Variants in CDC27 observed in about 807,000 individuals in gnomAD.
The protein encoded by CDC27 is cell division cycle 27, also known as cell division cycle protein 27 homolog.
A neutral mutation model predicts 109.7 loss-of-function variants in CDC27; 27 were observed. The observed-to-expected ratio is 0.25, with a 90% CI of 0.18 to 0.34. CDC27 has a LOEUF of 0.34. Among genes scored for constraint, CDC27 ranks in the 10% least tolerant of loss-of-function variants. CDC27 has a pLI of 1.00. For synonymous variants in CDC27, 266 were observed against 333.9 expected, an observed-to-expected ratio of 0.80 and a Z score of 2.22; for missense variants, 579 against 960.2, an observed-to-expected ratio of 0.60 and a Z score of 5.25.
At chr17:47,136,367 G>A (rs572372528) in intron 14 of CDC27, among the ~76,000 whole-genome samples, 38 of 152,182 alleles carry the variant, frequency 2.5e-4, no homozygotes, top group Non-Finnish European at 4.7e-4. Flanking sequence ...GTAATATAAT[G>A]CTTCAGATTT....
rs1296529846 is a variant in CDC27, at chr17:47,172,008, C to T, written c.160G>A (p.Ala54Thr). Reference protein sequence around the residue: ...LATCYYRSGKAYKAYRLLKGH... With the variant: ...LATCYYRSGKTYKAYRLLKGH... ...TTCAAGAGTCTATATGCTTTATATG[C>T]CTTTCCTGAGCGGTAATAACAGGTT... The change falls in exon 3 of 19, where the codon GCA becomes ACA. Residue 54 changes from alanine to threonine, a missense_variant. By Grantham distance (58) the Ala-to-Thr change is moderately conservative. This residue lies in a region of CDC27 where 44 missense variants were observed against 102.2 expected (regional missense o/e 0.43). Transcript: ENST00000066544. The T allele has an allele frequency of 6.3e-7, 1 of 1,599,998 alleles. No homozygotes were observed. The highest frequency in any genetic ancestry group is 8.5e-7 in the Non-Finnish European group (1 of 1,173,612).
chr17:47,152,499 T>G (rs975083389), intron 8 of CDC27, among the ~76,000 whole-genome samples: 1 of 152,186 alleles, frequency 6.6e-6, no homozygotes, highest in African/African-American at 2.4e-5. Context: ...TTCTGTTCCC[T>G]TGGAGAAAAA....
intron 16 of CDC27, among the ~76,000 whole-genome samples, chr17:47,128,428 CCTTAT>C (rs1368163087): frequency 1.3e-5 from 2 of 152,140 alleles, no homozygotes; most frequent in East Asian, 3.8e-4. Context: ...TTCTCAGTTT[CCTTAT>C]CTTCTTTTTT....
At chr17:47,122,835 G>A (rs1367289329) in intron 17 of CDC27, among the ~76,000 whole-genome samples, 1 of 151,876 alleles carries the variant, frequency 6.6e-6, no homozygotes, top group South Asian at 2.1e-4. Context: ...CACCACCCCT[G>A]GCTAATTTTT....
At position 47,181,788 on chromosome 17, in the gene CDC27, C is replaced by G. The variant is rs1401928018; in HGVS notation, c.28-151G>C. On this transcript the variant is annotated intron_variant, in intron 1 of 18. Transcript: ENST00000066544. ...CCACAGAGCAAACTCCAGAGTGTGCCGGGCAAGGCTCTTCACAGTATGGCT... is the reference window on the plus strand; with the variant it reads ...CCACAGAGCAAACTCCAGAGTGTGCGGGGCAAGGCTCTTCACAGTATGGCT... The G allele has an allele frequency of 8.3e-6, 4 of 480,726 alleles. No individual in the cohort carries two copies. In the East Asian group the frequency reaches 1.3e-4, roughly 15 times the overall value. 29.8% of individuals were successfully genotyped at this position (480,726 alleles called of 1,614,324 possible). A position where few individuals can be genotyped will look rare whatever the true frequency, so the allele number is the denominator to read the frequency against.
chr17:47,126,616 T>C (rs550504197), intron 16 of CDC27, among the ~76,000 whole-genome samples: 1 of 152,312 alleles, frequency 6.6e-6, no homozygotes, highest in South Asian at 2.1e-4. Flanking sequence ...CTGATTTATG[T>C]GGCCTATCTG....
At chr17:47,143,434 G>A (rs980351419) in intron 10 of CDC27, among the ~76,000 whole-genome samples, 7 of 152,106 alleles carry the variant, frequency 4.6e-5, no homozygotes, top group South Asian at 4.2e-4. Context: ...ATATAAACCC[G>A]TGTGTGTGTA....
chr17:47,149,293 A>G (rs1272199891), intron 9 of CDC27, among the ~76,000 whole-genome samples: 1 of 151,808 alleles, frequency 6.6e-6, no homozygotes, highest in South Asian at 2.1e-4. Context: ...CAGGAGGATC[A>G]CAAGGTCAAG....
At chr17:47,122,785 T>A (rs1265554394) in intron 17 of CDC27, among the ~76,000 whole-genome samples, 185 bp from the exon 18 acceptor site, 4 of 152,188 alleles carry the variant, frequency 2.6e-5, no homozygotes, top group Non-Finnish European at 5.9e-5. Context: ...GCGATTCTCC[T>A]GCTTCAGTCT....
chr17:47,118,276 T>C lies in CDC27; in HGVS notation c.*2659A>G, dbSNP rs2061916652. The C allele has an allele frequency of 6.6e-6, 1 of 152,368 alleles. No individual in the cohort carries two copies. The highest frequency in any genetic ancestry group is 1.9e-4 in the East Asian group (1 of 5,204). The allele number at this position is 152,368 out of a possible 1,614,324, so 9.4% of individuals were successfully genotyped here. ...TTTTGTTTAAGGTACAACAGCAGCATGGTTCAAATGTTACTTGTAGTTCTC... is the reference window on the plus strand; with the variant it reads ...TTTTGTTTAAGGTACAACAGCAGCACGGTTCAAATGTTACTTGTAGTTCTC... On this transcript the variant is annotated 3_prime_UTR_variant, in exon 19 of 19. Transcript: ENST00000066544.
chr17:47,162,605 G>A (rs2063529545), intron 4 of CDC27, among the ~76,000 whole-genome samples: 1 of 152,286 alleles, frequency 6.6e-6, no homozygotes, highest in African/African-American at 2.4e-5. Context: ...GGCCAGAAAG[G>A]AAGTAGACAA....
chr17:47,122,375 G>T, intron 18 of CDC27, 69 bp downstream of exon 18: 1 of 1,083,518 alleles, frequency 9.2e-7, no homozygotes, highest in Non-Finnish European at 1.3e-6. Flanking sequence ...TAAAATAAAA[G>T]AGTAGCCTAC....
At chr17:47,166,165 A>G (rs2063639088) in intron 4 of CDC27, among the ~76,000 whole-genome samples, 1 of 152,108 alleles carries the variant, frequency 6.6e-6, no homozygotes, top group Non-Finnish European at 1.5e-5. Flanking sequence ...TTAGAACAGT[A>G]TTTCATTTTG....
intron 15 of CDC27, among the ~76,000 whole-genome samples, chr17:47,131,840 T>TA (rs370661352): frequency 2.0e-4 from 23 of 113,528 alleles, no homozygotes; most frequent in African/African-American, 7.0e-4. Flanking sequence ...GGCTAATTTT[T>TA]AAATTTTTTT....
intron 14 of CDC27, among the ~76,000 whole-genome samples, chr17:47,136,361 T>C (rs751280585): frequency 6.6e-5 from 10 of 152,192 alleles, no homozygotes; most frequent in Non-Finnish European, 1.5e-4. Context: ...GTTTTAGTAA[T>C]ATAATGCTTC....
rs201672676 is a variant in CDC27 at position 47,135,407 on chromosome 17, AGATGAT to A, written c.1913+1739_1913+1744del. 1.4e-3 allele frequency among the ~76,000 whole-genome samples: 217 copies of A among 150,656 alleles called. 1 individual carries two copies. Among genetic ancestry groups the A allele is most frequent in the South Asian group, 3.2e-3 (15 of 4,746 alleles). ...ACGGAGACTTCTCATGGCCATAACTAGATGATGATGATGATGATGATGATGATGATG... is the reference window on the plus strand; with the variant it reads ...ACGGAGACTTCTCATGGCCATAACTAGATGATGATGATGATGATGATGATG... On this transcript the variant is annotated intron_variant, in intron 14 of 18. Coordinates refer to ENST00000066544, the MANE Select transcript of CDC27 (RefSeq NM_001256.6).
At chr17:47,123,647 C>G (rs538405488) in intron 17 of CDC27, among the ~76,000 whole-genome samples, 3 of 151,636 alleles carry the variant, frequency 2.0e-5, no homozygotes, top group South Asian at 4.2e-4. Flanking sequence ...CCTGACCTCA[C>G]GTAATCTACC....
intron 2 of CDC27, among the ~76,000 whole-genome samples, chr17:47,176,343 C>A (rs1288549231): frequency 6.6e-6 from 1 of 152,042 alleles, no homozygotes; most frequent in Non-Finnish European, 1.5e-5. Context: ...TCTACATATG[C>A]AAATTTAGCA....
Position 47,120,042 on chromosome 17 carries a change from T to C in CDC27, c.*893A>G, listed in dbSNP as rs1410664030. The stretch of plus-strand genomic sequence containing the variant: ...GATTATATTAAGGCTTTCACTATCA[T>C]GATCTCTTAAAAGTCTCTCCACTTT... On this transcript the variant is annotated 3_prime_UTR_variant, in exon 19 of 19. Transcript: ENST00000066544. The C allele has an allele frequency of 1.3e-5, 2 of 152,240 alleles. No homozygotes were observed. Among genetic ancestry groups the C allele is most frequent in the East Asian group, 3.8e-4 (2 of 5,204 alleles). 9.4% of individuals were successfully genotyped at this position (152,240 alleles called of 1,614,324 possible).
Sources: gnomAD v4.1 joint callset for allele counts (sites outside exome capture counted in the v4.1 genomes callset) on GRCh38, gnomAD v4.1.1 for gene constraint, gnomAD v4.1.1 regional missense constraint, MANE v1.5 for transcripts, NCBI Gene and HGNC (gene_info 2026-07-23, HGNC 2026-07-21) for gene names.